Variants in PPM1L observed in about 807,000 individuals in gnomAD.
PPM1L encodes the protein protein phosphatase, Mg2+/Mn2+ dependent 1L.
In PPM1L, 13 loss-of-function variants were observed where a neutral mutation model predicts 31.4. That is an observed-to-expected ratio of 0.41 (90% CI 0.27 to 0.66). The LOEUF (loss-of-function observed/expected upper bound fraction) is 0.66. Among genes scored for constraint, PPM1L ranks in the 30% least tolerant of loss-of-function variants. PPM1L has a pLI of 0.29. For missense variants in PPM1L, 326 were observed against 453.7 expected (o/e 0.72, Z 2.56); for synonymous variants, 184 against 175.4 (o/e 1.05, Z -0.39).
At chr3:160,793,545 T>TA (rs1346453494) in intron 1 of PPM1L, among the ~76,000 whole-genome samples, 4 of 152,124 alleles carry the variant, frequency 2.6e-5, no homozygotes, top group African/African-American at 9.7e-5. Context: ...GGATAAGAAA[T>TA]ATGTTGAGAG....
intron 2 of PPM1L, among the ~76,000 whole-genome samples, chr3:160,999,166 A>G (rs1559918585): frequency 6.6e-6 from 1 of 152,174 alleles, no homozygotes; most frequent in African/African-American, 2.4e-5. Flanking sequence ...GTAGGAACTC[A>G]TTTAATCCTC....
chr3:160,863,065 T>C (rs2108023462), intron 1 of PPM1L, among the ~76,000 whole-genome samples: 1 of 152,352 alleles, frequency 6.6e-6, no homozygotes, highest in East Asian at 1.9e-4. Flanking sequence ...GTGTGGCTTT[T>C]ATTTTTCCAG....
rs560827147 is a variant in PPM1L, at chr3:161,009,628, T to A, written c.574+47718T>A. Among the ~76,000 whole-genome samples the A allele has an allele frequency of 1.3e-4, 20 of 152,298 alleles. No individual in the cohort carries two copies. The South Asian group carries it at 3.5e-3, about 27-fold the overall frequency. Reference sequence around the variant, plus strand: ...CCTATTGATTTCACTTGTTATTGCATCTCCCTCCCCTGCCGCTGGCTACAA... The same window carrying A: ...CCTATTGATTTCACTTGTTATTGCAACTCCCTCCCCTGCCGCTGGCTACAA... On this transcript the variant is annotated intron_variant, in intron 2 of 3. Coordinates refer to ENST00000498165, the MANE Select transcript of PPM1L (RefSeq NM_139245.4).
chr3:160,916,166 A>G (rs1714173244), intron 1 of PPM1L, among the ~76,000 whole-genome samples: 2 of 152,202 alleles, frequency 1.3e-5, no homozygotes, highest in Admixed American at 1.3e-4. Flanking sequence ...CTCATCTGAC[A>G]AAGGGCTAAT....
intron 1 of PPM1L, among the ~76,000 whole-genome samples, chr3:160,800,597 G>A (rs372497102): frequency 1.3e-5 from 2 of 152,098 alleles, no homozygotes; most frequent in East Asian, 1.9e-4. Context: ...TGTTTGAATA[G>A]CATGTAATAT....
intron 1 of PPM1L, among the ~76,000 whole-genome samples, chr3:160,868,386 C>T (rs1442020415): frequency 3.3e-5 from 5 of 152,166 alleles, no homozygotes; most frequent in Non-Finnish European, 2.9e-5. Flanking sequence ...GCCAAGACTT[C>T]GGTGTCGGGG....
chr3:161,066,371 T>C (rs1473697481), intron 3 of PPM1L, among the ~76,000 whole-genome samples: 4 of 152,146 alleles, frequency 2.6e-5, no homozygotes, highest in South Asian at 2.1e-4. Context: ...ATGGAGTAAA[T>C]AGACATTAAC....
intron 2 of PPM1L, among the ~76,000 whole-genome samples, chr3:161,017,923 A>G (rs1450872809): frequency 6.6e-6 from 1 of 152,142 alleles, no homozygotes; most frequent in Non-Finnish European, 1.5e-5. Context: ...TTTACACTAG[A>G]GGTTCTAGAA....
intron 1 of PPM1L, among the ~76,000 whole-genome samples, chr3:160,837,529 A>G (rs1713756861): frequency 6.6e-6 from 1 of 152,162 alleles, no homozygotes; most frequent in East Asian, 1.9e-4. Flanking sequence ...CTTCTTTTTT[A>G]TGACTCTTGC....
At chr3:160,820,810 T>C (rs1317301610) in intron 1 of PPM1L, among the ~76,000 whole-genome samples, 2 of 152,136 alleles carry the variant, frequency 1.3e-5, no homozygotes, top group Non-Finnish European at 2.9e-5. Context: ...TTTTAATGTT[T>C]TGGCAATATG....
intron 2 of PPM1L, among the ~76,000 whole-genome samples, chr3:160,975,126 G>A (rs1480303262): frequency 6.6e-6 from 1 of 152,152 alleles, no homozygotes; most frequent in Non-Finnish European, 1.5e-5. Flanking sequence ...TTATTAAATA[G>A]GGAATCCTTT....
At chr3:160,772,563 A>G (rs1456530452) in intron 1 of PPM1L, among the ~76,000 whole-genome samples, 1 of 152,240 alleles carries the variant, frequency 6.6e-6, no homozygotes, top group Non-Finnish European at 1.5e-5. Context: ...TTACTGAAGT[A>G]TGATGCATAC....
At chr3:161,029,986 C>T (rs997800075) in intron 2 of PPM1L, among the ~76,000 whole-genome samples, 1 of 152,176 alleles carries the variant, frequency 6.6e-6, no homozygotes, top group African/African-American at 2.4e-5. Flanking sequence ...ACAAGCTGGC[C>T]CATGGAAACT....
chr3:160,951,574 G>A (rs1409936698), intron 1 of PPM1L, among the ~76,000 whole-genome samples: 1 of 152,160 alleles, frequency 6.6e-6, no homozygotes, highest in African/African-American at 2.4e-5. Flanking sequence ...ACATCCATCT[G>A]CAATTAGGGA....
At chr3:161,044,891 G>GAC (rs1217829683) in intron 2 of PPM1L, among the ~76,000 whole-genome samples, 1 of 152,110 alleles carries the variant, frequency 6.6e-6, no homozygotes, top group Non-Finnish European at 1.5e-5. Flanking sequence ...CACGTGCAGA[G>GAC]ACACACATAG....
intron 1 of PPM1L, among the ~76,000 whole-genome samples, chr3:160,937,592 C>G (rs1366319498): frequency 6.6e-6 from 1 of 152,026 alleles, no homozygotes; most frequent in Admixed American, 6.5e-5. Flanking sequence ...TGCACTCCAG[C>G]CTGGGTGACA....
At chr3:160,787,420 A>G (rs1711968654) in intron 1 of PPM1L, among the ~76,000 whole-genome samples, 1 of 152,020 alleles carries the variant, frequency 6.6e-6, no homozygotes. Context: ...GTGTCTGTTC[A>G]TGTCCTTTGC....
chr3:161,041,810 T>C (rs1225698751), intron 2 of PPM1L, among the ~76,000 whole-genome samples: 1 of 152,156 alleles, frequency 6.6e-6, no homozygotes, highest in Non-Finnish European at 1.5e-5. Flanking sequence ...CCTGGATCTC[T>C]ATTAATACTT....
At chr3:160,996,146 T>C (rs1253395599) in intron 2 of PPM1L, among the ~76,000 whole-genome samples, 1 of 152,128 alleles carries the variant, frequency 6.6e-6, no homozygotes, top group Non-Finnish European at 1.5e-5. Flanking sequence ...ATAATAGATG[T>C]TGGCATGGAT....
Sources: allele counts gnomAD v4.1 joint callset (sites outside exome capture counted in the v4.1 genomes callset), GRCh38; gene constraint gnomAD v4.1.1; transcripts MANE v1.5; gene names NCBI Gene and HGNC (gene_info 2026-07-23, HGNC 2026-07-21).